The following SIPA1L1 variants were observed in gnomAD, a reference collection of about 807,000 sequenced individuals.
SIPA1L1 encodes signal induced proliferation associated 1 like 1.
In SIPA1L1, 26 loss-of-function variants were observed where a neutral mutation model predicts 162.7. The ratio of observed to expected loss-of-function variants is 0.16; its 90% CI spans 0.12 to 0.22. The LOEUF (loss-of-function observed/expected upper bound fraction) is 0.22. Among genes scored for constraint, SIPA1L1 ranks in the 10% least tolerant of loss-of-function variants. The pLI is 1.00. For missense variants in SIPA1L1, 1,874 were observed against 2,241.0 expected, an observed-to-expected ratio of 0.84 and a Z score of 3.31; for synonymous variants, 829 against 837.4, an observed-to-expected ratio of 0.99 and a Z score of 0.17.
intron 2 of SIPA1L1, among the ~76,000 whole-genome samples, chr14:71,451,012 T>C (rs1168068593): frequency 6.6e-6 from 1 of 152,130 alleles, no homozygotes; most frequent in Non-Finnish European, 1.5e-5. Context: ...AAGTGTCTAA[T>C]AACAGATCTG....
chr14:71,670,973 A>C (rs2044459398), intron 10 of SIPA1L1, 146 bp from the exon 11 acceptor site: 1 of 695,646 alleles, frequency 1.4e-6, no homozygotes, highest in East Asian at 2.5e-5. Context: ...ACTCGTATTA[A>C]GCAGAAATGT....
intron 2 of SIPA1L1, among the ~76,000 whole-genome samples, chr14:71,442,582 T>G (rs2044989303): frequency 1.3e-5 from 2 of 152,134 alleles, no homozygotes; most frequent in Non-Finnish European, 2.9e-5. Context: ...AATATTAAGT[T>G]TTTTCTGATA....
chr14:71,699,593 A>G (rs1338879441), intron 14 of SIPA1L1, among the ~76,000 whole-genome samples: 1 of 152,160 alleles, frequency 6.6e-6, no homozygotes, highest in East Asian at 1.9e-4. Flanking sequence ...GGCAGGTCCA[A>G]AGAGAGGGCC....
At chr14:71,404,269 T>A (rs891587024) in intron 2 of SIPA1L1, among the ~76,000 whole-genome samples, 3 of 152,186 alleles carry the variant, frequency 2.0e-5, no homozygotes, top group African/African-American at 7.2e-5. Flanking sequence ...TAAAAGCATG[T>A]CTAGGCCAGG....
chr14:71,405,549 A>G (rs906511691), intron 2 of SIPA1L1, among the ~76,000 whole-genome samples: 3 of 152,140 alleles, frequency 2.0e-5, no homozygotes, highest in Admixed American at 2.0e-4. Flanking sequence ...CTTGGAAGAG[A>G]AAGAGAATGC....
chr14:71,382,685 TGATA>T (rs901215310), intron 2 of SIPA1L1, among the ~76,000 whole-genome samples: 2 of 152,148 alleles, frequency 1.3e-5, no homozygotes, highest in Admixed American at 1.3e-4. Context: ...ATGAATTGCT[TGATA>T]GATATTATAG....
chr14:71,384,679 G>T (rs1014292701), intron 2 of SIPA1L1, among the ~76,000 whole-genome samples: 1 of 152,174 alleles, frequency 6.6e-6, no homozygotes, highest in Non-Finnish European at 1.5e-5. Context: ...TACTCAACAT[G>T]CCTTTTTTGG....
chr14:71,624,265 C>G, intron 7 of SIPA1L1, 29 bp downstream of exon 7: 1 of 1,570,920 alleles, frequency 6.4e-7, no homozygotes, highest in Non-Finnish European at 8.7e-7. Flanking sequence ...GGAGAGCATT[C>G]TTGCTCAGGT....
intron 2 of SIPA1L1, among the ~76,000 whole-genome samples, chr14:71,465,425 A>G (rs1463343776): frequency 6.6e-6 from 1 of 152,220 alleles, no homozygotes; most frequent in Non-Finnish European, 1.5e-5. Context: ...TGAACTTAGG[A>G]GCAACCAACC....
chr14:71,574,779 T>C lies in SIPA1L1; in HGVS notation c.-302-12792T>C, dbSNP rs1596216124. 2.0e-5 allele frequency: 3 copies of C among 152,324 alleles called. 1 individual carries two copies. In the East Asian group the frequency reaches 5.8e-4, roughly 29 times the overall value. 9.4% of individuals were successfully genotyped at this position (152,324 alleles called of 1,614,324 possible). ...TTATTGGTTTGCGTTTTGATTAATT[T>C]TTTTTCTAGTTAATAAGAGTTTAAA... On this transcript the variant is annotated intron_variant, in intron 4 of 23. Transcript: ENST00000381232.
chr14:71,345,762 G>T (rs1335338138), intron 2 of SIPA1L1, among the ~76,000 whole-genome samples: 2 of 151,722 alleles, frequency 1.3e-5, no homozygotes, highest in African/African-American at 4.8e-5. Flanking sequence ...TAGAGACGGG[G>T]TTTCACCGTG....
intron 13 of SIPA1L1, among the ~76,000 whole-genome samples, chr14:71,695,337 A>G (rs2081545208): frequency 6.6e-6 from 1 of 152,238 alleles, no homozygotes; most frequent in African/African-American, 2.4e-5. Context: ...ATATAAATGC[A>G]AAAGAGGGAT....
rs1213366835 is a variant in SIPA1L1 at position 71,671,689 on chromosome 14, G to A, written c.2826G>A (p.Leu942=). The A allele has an allele frequency of 1.9e-6, 3 of 1,587,898 alleles. No homozygotes were observed. Among genetic ancestry groups the A allele is most frequent in the Non-Finnish European group, 2.6e-6 (3 of 1,168,508 alleles). ...AGATCAAAGAGATTGTCAAAAGGTT[G>A]CAGGTGAGTCTCTCCTTCCTCTTCC... The part of the protein sequence containing the change: ...IEEIKEIVKR[L]QFVSKGCESV... Residue 942 remains leucine, a synonymous_variant, in exon 11 of 24, where the codon TTG becomes TTA. Coordinates refer to ENST00000381232, the MANE Select transcript of SIPA1L1 (RefSeq NM_001386936.1).
intron 2 of SIPA1L1, among the ~76,000 whole-genome samples, chr14:71,505,421 CT>C (rs530843410): frequency 0.01 from 1,299 of 128,522 alleles, 9 homozygotes; most frequent in African/African-American, 0.024. Flanking sequence ...TCTCTTTCTT[CT>C]TTTTTTTTTT....
At chr14:71,563,496 C>T (rs1473159098) in intron 4 of SIPA1L1, among the ~76,000 whole-genome samples, 3 of 152,116 alleles carry the variant, frequency 2.0e-5, no homozygotes, top group Non-Finnish European at 4.4e-5. Context: ...ACTATGACTC[C>T]TTAAGAATTA....
At chr14:71,432,814 C>G (rs1444312874) in intron 2 of SIPA1L1, among the ~76,000 whole-genome samples, 1 of 152,186 alleles carries the variant, frequency 6.6e-6, no homozygotes, top group Non-Finnish European at 1.5e-5. Flanking sequence ...CTGAATAAAT[C>G]CTTTTCACAT....
rs201122551 is a variant in SIPA1L1 at position 71,733,661 on chromosome 14, C to T, written c.4862-5C>T. The T allele has an allele frequency of 6.3e-5, 101 of 1,613,134 alleles. 1 individual carries two copies. In the East Asian group the frequency reaches 1.6e-3, roughly 25 times the overall value. On this transcript the variant is annotated splice_region_variant and splice_polypyrimidine_tract_variant and intron_variant, in intron 20 of 23. Transcript: ENST00000381232. Reference sequence around the variant, plus strand: ...AAGCATCTCATTCCTCCTCCCTTCCCGCAGGAGAGTTCTCAGCCTCGGACA... The same window carrying T: ...AAGCATCTCATTCCTCCTCCCTTCCTGCAGGAGAGTTCTCAGCCTCGGACA...
At chr14:71,644,850 C>A (rs548226008) in intron 7 of SIPA1L1, among the ~76,000 whole-genome samples, 1 of 152,130 alleles carries the variant, frequency 6.6e-6, no homozygotes, top group Non-Finnish European at 1.5e-5. Flanking sequence ...AATACACAAG[C>A]CTGAATGACT....
At position 71,741,028 on chromosome 14, in the gene SIPA1L1, T is replaced by C. The variant is rs1025225770; in HGVS notation, c.*1867T>C. On this transcript the variant is annotated 3_prime_UTR_variant, in exon 24 of 24. Coordinates refer to ENST00000381232, the MANE Select transcript of SIPA1L1 (RefSeq NM_001386936.1). ...AAAATTCAAAGAATAAAATTCATTT[T>C]AAACGCTCTTTTAAAACACTTTGGT... The C allele has an allele frequency of 6.6e-6, 1 of 152,266 alleles. No homozygotes were observed. Among genetic ancestry groups the C allele is most frequent in the Non-Finnish European group, 1.5e-5 (1 of 68,054 alleles). The allele number at this position is 152,266 out of a possible 1,614,324, so 9.4% of individuals were successfully genotyped here.
Sources: allele counts gnomAD v4.1 joint callset (sites outside exome capture counted in the v4.1 genomes callset), GRCh38; gene constraint gnomAD v4.1.1; transcripts MANE v1.5; gene names NCBI Gene and HGNC (gene_info 2026-07-23, HGNC 2026-07-21).